The following NAALADL2 variants were observed in gnomAD, a reference collection of about 807,000 sequenced individuals.
NAALADL2 encodes inactive N-acetylated-alpha-linked acidic dipeptidase-like protein 2.
Under a neutral mutation model 87.2 loss-of-function variants are expected in NAALADL2, and 76 were observed. The ratio of observed to expected loss-of-function variants is 0.87; its 90% CI spans 0.72 to 1.05. NAALADL2 has a LOEUF of 1.05. Ranked by LOEUF, NAALADL2 falls within the 50% of genes least tolerant of loss-of-function variation. NAALADL2 has a pLI of 0.00. For synonymous variants in NAALADL2, 354 were observed against 331.0 expected (o/e 1.07, Z -0.75); for missense variants, 1,089 against 945.8 (o/e 1.15, Z -1.99).
intron 2 of NAALADL2, among the ~76,000 whole-genome samples, chr3:174,653,088 A>T (rs1724542406): frequency 6.6e-6 from 1 of 152,230 alleles, no homozygotes; most frequent in African/African-American, 2.4e-5. Context: ...TAGAACTCTC[A>T]TAAATGGTGA....
At chr3:175,775,291 T>C (rs1750076406) in intron 13 of NAALADL2, 1 of 152,086 alleles carries the variant, frequency 6.6e-6, no homozygotes, top group Non-Finnish European at 1.5e-5. Flanking sequence ...AAAATATTTG[T>C]TGAATGTAAA....
intron 4 of NAALADL2, among the ~76,000 whole-genome samples, chr3:175,272,383 A>G (rs935038729): frequency 7.2e-5 from 11 of 152,174 alleles, no homozygotes; most frequent in Admixed American, 5.9e-4. Context: ...AGTGAGTATT[A>G]TTCTTTATTT....
intron 2 of NAALADL2, among the ~76,000 whole-genome samples, chr3:174,586,104 T>C (rs895516757): frequency 3.3e-5 from 5 of 152,200 alleles, no homozygotes; most frequent in Non-Finnish European, 7.3e-5. Context: ...TAACAAATAC[T>C]GGATAAAATC....
rs145813068 is a variant in NAALADL2, at chr3:174,812,392, A to G, written c.-9+74646A>G. ...CAAGTGCTAGTGGTGATGCTGGTGT[A>G]AACAAACTTACTGCATTGTTAGTCA... On this transcript the variant is annotated intron_variant, in intron 3 of 3. Coordinates refer to the NAALADL2 transcript ENST00000434257. Among the ~76,000 whole-genome samples, 881 of 152,330 alleles carry G rather than the reference A, an allele frequency of 5.8e-3. 10 individuals are homozygous for G. Among genetic ancestry groups the G allele is most frequent in the African/African-American group, 0.02 (840 of 41,580 alleles).
At chr3:175,163,587 G>T (rs1171289486) in intron 2 of NAALADL2, among the ~76,000 whole-genome samples, 1 of 151,990 alleles carries the variant, frequency 6.6e-6, no homozygotes, top group Non-Finnish European at 1.5e-5. Flanking sequence ...GGGAGATGCT[G>T]ATTTGTGTTG....
intron 10 of NAALADL2, among the ~76,000 whole-genome samples, chr3:175,619,739 C>G (rs1398983514): frequency 1.3e-5 from 2 of 152,036 alleles, no homozygotes; most frequent in Non-Finnish European, 2.9e-5. Context: ...GGAGCCCTAA[C>G]AGCCATAAAG....
At chr3:175,704,262 T>C (rs1739367057) in intron 11 of NAALADL2, among the ~76,000 whole-genome samples, 1 of 152,152 alleles carries the variant, frequency 6.6e-6, no homozygotes, top group Non-Finnish European at 1.5e-5. Context: ...CTGTTCGCTG[T>C]GGAAAAGAGG....
At chr3:175,328,870 A>G (rs1761071989) in intron 5 of NAALADL2, among the ~76,000 whole-genome samples, 1 of 152,230 alleles carries the variant, frequency 6.6e-6, no homozygotes. Flanking sequence ...AAGAAAGTAA[A>G]AAATATGTAT....
intron 11 of NAALADL2, among the ~76,000 whole-genome samples, chr3:175,643,082 AAT>A (rs1729517236): frequency 6.6e-6 from 1 of 152,218 alleles, no homozygotes; most frequent in African/African-American, 2.4e-5. Context: ...GACTTAAAAG[AAT>A]AAGCATTAAA....
chr3:174,671,223 G>A (rs1047032087), intron 2 of NAALADL2, among the ~76,000 whole-genome samples: 9 of 151,948 alleles, frequency 5.9e-5, no homozygotes, highest in Non-Finnish European at 8.8e-5. Flanking sequence ...ACCACATACT[G>A]TTTATATACT....
chr3:175,179,956 C>A (rs1168186607), intron 2 of NAALADL2, among the ~76,000 whole-genome samples: 2 of 151,954 alleles, frequency 1.3e-5, no homozygotes, highest in Non-Finnish European at 2.9e-5. Flanking sequence ...TCACTGACAG[C>A]ACTAACTCAG....
chr3:175,543,106 G>C (rs1283198441), intron 9 of NAALADL2, among the ~76,000 whole-genome samples: 1 of 152,112 alleles, frequency 6.6e-6, no homozygotes, highest in Non-Finnish European at 1.5e-5. Context: ...CTAAAGAGAA[G>C]CAACTCACTG....
intron 9 of NAALADL2, among the ~76,000 whole-genome samples, chr3:175,524,835 A>G (rs1337021276): frequency 6.6e-6 from 1 of 152,164 alleles, no homozygotes; most frequent in African/African-American, 2.4e-5. Context: ...AGCAAGTAAG[A>G]TAGATACATG....
At chr3:175,029,423 A>G (rs1580105428) in intron 1 of NAALADL2, among the ~76,000 whole-genome samples, 1 of 152,188 alleles carries the variant, frequency 6.6e-6, no homozygotes, top group African/African-American at 2.4e-5. Flanking sequence ...GGCAAGGTTT[A>G]CTAAAAACAC....
At chr3:175,583,511 A>T (rs1280432657) in intron 10 of NAALADL2, among the ~76,000 whole-genome samples, 3 of 139,770 alleles carry the variant, frequency 2.1e-5, no homozygotes, top group Non-Finnish European at 4.5e-5. Context: ...AAAAAATCAG[A>T]TGTGTGGGGA....
chr3:175,703,610 G>T (rs1739281255), intron 11 of NAALADL2, among the ~76,000 whole-genome samples: 1 of 152,044 alleles, frequency 6.6e-6, no homozygotes, highest in African/African-American at 2.4e-5. Flanking sequence ...AGGAGCGGTG[G>T]CAGGCACCTG....
chr3:175,582,531 A>C (rs1719935251), intron 10 of NAALADL2, among the ~76,000 whole-genome samples: 1 of 152,190 alleles, frequency 6.6e-6, no homozygotes, highest in Admixed American at 6.5e-5. Context: ...CAATAATGCT[A>C]CTTGCAGGTG....
chr3:175,756,140 A>G (rs1270889381), intron 13 of NAALADL2, among the ~76,000 whole-genome samples: 1 of 152,170 alleles, frequency 6.6e-6, no homozygotes, highest in Non-Finnish European at 1.5e-5. Context: ...ACCAGTCAGA[A>G]TGATTATTAT....
chr3:174,777,556 G>A (rs948434207), intron 3 of NAALADL2, among the ~76,000 whole-genome samples: 6 of 152,116 alleles, frequency 3.9e-5, no homozygotes, highest in African/African-American at 1.2e-4. Context: ...ATAAACAAAA[G>A]TACATATCTT....
Sources: gnomAD v4.1 joint callset for allele counts (sites outside exome capture counted in the v4.1 genomes callset) on GRCh38, gnomAD v4.1.1 for gene constraint, MANE v1.5 for transcripts, NCBI Gene and HGNC (gene_info 2026-07-23, HGNC 2026-07-21) for gene names.